The following HACL1 variants were observed in gnomAD, a reference collection of about 807,000 sequenced individuals.
The protein encoded by HACL1 is 2-hydroxyacyl-CoA lyase 1.
In HACL1, 64 loss-of-function variants were observed where a neutral mutation model predicts 74.2. The ratio of observed to expected loss-of-function variants is 0.86; its 90% CI spans 0.70 to 1.06. The LOEUF (loss-of-function observed/expected upper bound fraction) is 1.06. HACL1 is among the 50% of genes least tolerant of loss of function. HACL1 has a pLI of 0.00. For synonymous variants in HACL1, 230 were observed against 238.8 expected (o/e 0.96, Z 0.34); for missense variants, 728 against 719.7 (o/e 1.01, Z -0.13).
At chr3:15,591,502 T>C (rs182357960) in intron 4 of HACL1, 98 bp downstream of exon 4, 223 of 619,922 alleles carry the variant, frequency 3.6e-4, no homozygotes, top group Non-Finnish European at 5.4e-4. Context: ...GTTTTTTTTT[T>C]CCAAGTCTTT....
Position 15,572,634 on chromosome 3 carries a change from T to A in HACL1, c.993+525A>T, listed in dbSNP as rs901501112. Among the ~76,000 whole-genome samples, 4 of 152,362 alleles carry A rather than the reference T, an allele frequency of 2.6e-5. No individual in the cohort carries two copies. In the East Asian group the frequency reaches 7.7e-4, roughly 29 times the overall value. ...ATCATGACAACAATACCAAATTGTA[T>A]CATCCAAAATCAAGTGATAAATGTG... On this transcript the variant is annotated intron_variant, in intron 11 of 16. Transcript: ENST00000321169.
chr3:15,590,345 A>G (rs1233307426), intron 4 of HACL1, among the ~76,000 whole-genome samples: 2 of 152,090 alleles, frequency 1.3e-5, no homozygotes, highest in Admixed American at 1.3e-4. Flanking sequence ...GAAAAAAAAA[A>G]GATATGGGAA....
At chr3:15,594,617 T>C (rs2064022780) in intron 3 of HACL1, among the ~76,000 whole-genome samples, 1 of 152,240 alleles carries the variant, frequency 6.6e-6, no homozygotes, top group Admixed American at 6.5e-5. Flanking sequence ...CAGAACTTTG[T>C]ATAGTAATAG....
intron 5 of HACL1, among the ~76,000 whole-genome samples, chr3:15,587,955 A>G (rs1394164208): frequency 6.6e-6 from 1 of 151,996 alleles, no homozygotes; most frequent in Non-Finnish European, 1.5e-5. Flanking sequence ...GTACAGTGGT[A>G]CGATCTCGGC....
intron 9 of HACL1, among the ~76,000 whole-genome samples, chr3:15,578,379 G>A (rs1028857590): frequency 1.3e-5 from 2 of 152,094 alleles, no homozygotes; most frequent in Non-Finnish European, 2.9e-5. Flanking sequence ...TAAAAAGCAT[G>A]CCTTAAAAAT....
chr3:15,587,771 T>C (rs1436462865), intron 5 of HACL1, among the ~76,000 whole-genome samples: 3 of 152,244 alleles, frequency 2.0e-5, no homozygotes, highest in African/African-American at 4.8e-5. Context: ...AGTATAAAAA[T>C]ATAACTTTTG....
chr3:15,573,243 C>G lies in HACL1; in HGVS notation c.910-1G>C. Reference sequence around the variant, plus strand: ...CCAATTCTTCTGCACAGATATCAACCTAAAAAAGAGACAAGGCTAAAGAAC... The same window carrying G: ...CCAATTCTTCTGCACAGATATCAACGTAAAAAAGAGACAAGGCTAAAGAAC... On this transcript the variant is annotated splice_acceptor_variant, in intron 10 of 16. Coordinates refer to ENST00000321169, the MANE Select transcript of HACL1 (RefSeq NM_012260.4). LOFTEE classifies it high-confidence loss of function. 1 of 1,588,944 alleles carries G rather than the reference C, an allele frequency of 6.3e-7. No homozygotes were observed. The highest frequency in any genetic ancestry group is 8.6e-7 in the Non-Finnish European group (1 of 1,157,980).
chr3:15,581,564 G>A (rs6794169), intron 8 of HACL1, among the ~76,000 whole-genome samples: 1 of 152,100 alleles, frequency 6.6e-6, no homozygotes, highest in African/African-American at 2.4e-5. Flanking sequence ...TGTACACTCA[G>A]TTCTCTCTTC....
At chr3:15,567,751 ACGCT>A in intron 14 of HACL1, 89 bp downstream of exon 14, 1 of 1,168,792 alleles carries the variant, frequency 8.6e-7, no homozygotes, top group South Asian at 1.3e-5. Context: ...CACCTGGTGA[ACGCT>A]TCATAAGTAT....
chr3:15,573,215 T>C lies in HACL1; in HGVS notation c.937A>G (p.Asn313Asp), dbSNP rs1482833709. ...AAAGTAACAGCGGGCTTTACATTAT[T>C]CCCCAATTCTTCTGCACAGATATCA... ...QVDICAEELG[N>D]NVKPAVTLLG... is the part of the protein sequence containing the mutation. The change falls in exon 11 of 17, where the codon AAT becomes GAT. Residue 313 changes from asparagine to aspartate, a missense_variant. Asn to Asp is a conservative substitution (Grantham distance 23). Transcript: ENST00000321169. 6.2e-7 allele frequency: 1 copy of C among 1,608,226 alleles called. No homozygotes were observed. The highest frequency in any genetic ancestry group is 1.3e-5 in the African/African-American group (1 of 74,818).
intron 4 of HACL1, among the ~76,000 whole-genome samples, chr3:15,591,144 T>C (rs1402408735): frequency 6.6e-6 from 1 of 152,174 alleles, no homozygotes; most frequent in Non-Finnish European, 1.5e-5. Flanking sequence ...TTCCTAATAC[T>C]CTTTTTTAAG....
In HACL1 at chr3:15,601,451, T is replaced by C. The variant is rs781439459; in HGVS notation, c.13A>G (p.Asn5Asp). The change falls in exon 1 of 17, where the codon AAC becomes GAC. Residue 5 changes from asparagine (N) to aspartate (D), a missense_variant. By Grantham distance (23) the Asn-to-Asp change is conservative (BLOSUM62 1). Transcript: ENST00000321169. MPDS[N>D]FAERSEEQVS... ...TGCTCCTCGCTGCGCTCTGCGAAGT[T>C]ACTGTCCGGCATCTTCCACCGAAAA... 1 of 1,613,530 alleles carries C rather than the reference T, an allele frequency of 6.2e-7. No individual in the cohort carries two copies. Among genetic ancestry groups the C allele is most frequent in the Admixed American group, 1.7e-5 (1 of 60,030 alleles).
chr3:15,580,100 C>G (rs2063695706), intron 8 of HACL1, 55 bp from the exon 9 acceptor site: 1 of 1,448,766 alleles, frequency 6.9e-7, no homozygotes, highest in Admixed American at 2.1e-5. Flanking sequence ...GCACTGTGAC[C>G]CTTAAAAAAG....
At chr3:15,564,361 T>C (rs1180685921) in intron 15 of HACL1, among the ~76,000 whole-genome samples, 190 bp downstream of exon 15, 1 of 152,236 alleles carries the variant, frequency 6.6e-6, no homozygotes, top group Non-Finnish European at 1.5e-5. Context: ...GATTATTTAC[T>C]GAAGCACCTA....
rs17041319 is a variant in HACL1 at position 15,563,245 on chromosome 3, G to A, written c.1704+113C>T. On this transcript the variant is annotated intron_variant, in intron 16 of 16. Transcript: ENST00000321169. ...CATGAAACTGCCAAACTCAGAAATGGTTTAGAAAGACCTCTGTGGATGATA... is the reference window on the plus strand; with the variant it reads ...CATGAAACTGCCAAACTCAGAAATGATTTAGAAAGACCTCTGTGGATGATA... 2,337 of 692,654 alleles carry A rather than the reference G, an allele frequency of 3.4e-3. 35 individuals carry two copies. The African/African-American group carries it at 0.036, about 11-fold the overall frequency. 42.9% of individuals were successfully genotyped at this position (692,654 alleles called of 1,614,324 possible).
Position 15,601,206 on chromosome 3 carries a change from A to G in HACL1, c.82-12T>C. ...ATGTACTCCACATCCTGAGGAACGA[A>G]GAACAGGGGAGTAAACTCCCAAGGC... is the stretch of plus-strand genomic sequence containing the variant. On this transcript the variant is annotated splice_polypyrimidine_tract_variant and intron_variant, in intron 1 of 16. Transcript: ENST00000321169. The G allele has an allele frequency of 6.3e-7, 1 of 1,593,484 alleles. No homozygotes were observed. Among genetic ancestry groups the G allele is most frequent in the Non-Finnish European group, 8.6e-7 (1 of 1,161,140 alleles).
At chr3:15,591,798 T>C (rs2063900972) in intron 3 of HACL1, 118 bp from the exon 4 acceptor site, 1 of 599,030 alleles carries the variant, frequency 1.7e-6, no homozygotes, top group Non-Finnish European at 3.0e-6. Context: ...GTCTTTACTA[T>C]AACTGATAAA....
chr3:15,584,549 C>T (rs2063762483), intron 7 of HACL1, among the ~76,000 whole-genome samples: 2 of 152,112 alleles, frequency 1.3e-5, no homozygotes, highest in South Asian at 4.1e-4. Flanking sequence ...GATAGTGCCA[C>T]TGCACTCCAG....
intron 12 of HACL1, among the ~76,000 whole-genome samples, chr3:15,569,357 G>A (rs1044741232): frequency 6.6e-6 from 1 of 152,222 alleles, no homozygotes; most frequent in Non-Finnish European, 1.5e-5. Context: ...CTATGCGAAA[G>A]AAAAGATTAG....
Sources: allele counts gnomAD v4.1 joint callset (sites outside exome capture counted in the v4.1 genomes callset), GRCh38; gene constraint gnomAD v4.1.1; transcripts MANE v1.5; gene names NCBI Gene and HGNC (gene_info 2026-07-23, HGNC 2026-07-21).